Variants in MYO10 observed in about 807,000 individuals in gnomAD.
MYO10 encodes unconventional myosin-X.
In MYO10, 133 loss-of-function variants were observed where a neutral mutation model predicts 257.3. The ratio of observed to expected loss-of-function variants is 0.52; its 90% CI spans 0.45 to 0.60. The LOEUF (loss-of-function observed/expected upper bound fraction) is 0.60, where lower values mean the gene tolerates loss of function less well. Ranked by LOEUF, MYO10 falls within the 20% of genes least tolerant of loss-of-function variation. The pLI is 0.00. For synonymous variants in MYO10, 1,104 were observed against 1,028.6 expected, an observed-to-expected ratio of 1.07 and a Z score of -1.40; for missense variants, 2,399 against 2,635.7, an observed-to-expected ratio of 0.91 and a Z score of 1.97.
intron 19 of MYO10, among the ~76,000 whole-genome samples, chr5:16,733,143 AAAAC>A (rs1190618865): frequency 6.6e-6 from 1 of 151,838 alleles, no homozygotes; most frequent in Non-Finnish European, 1.5e-5. Context: ...CAGAAAAAAC[AAAAC>A]AAACAAACAA....
chr5:16,724,427 TG>T (rs1221283998), intron 19 of MYO10, among the ~76,000 whole-genome samples: 1 of 152,180 alleles, frequency 6.6e-6, no homozygotes, highest in East Asian at 1.9e-4. Context: ...TTTGATTTAC[TG>T]TCATGAAAAC....
chr5:16,715,392 A>ATTTTTTTTTTTTTTTTT (rs372307063), intron 19 of MYO10, among the ~76,000 whole-genome samples: 1 of 84,340 alleles, frequency 1.2e-5, no homozygotes, highest in African/African-American at 4.7e-5. Context: ...TAAGATTGAA[A>ATTTTTTTTTTTTTTTTT]TTTTTTTTTT....
intron 39 of MYO10, 98 bp from the exon 40 acceptor site, chr5:16,668,566 C>T (rs1031450670): frequency 1.3e-5 from 13 of 975,224 alleles, no homozygotes; most frequent in Non-Finnish European, 1.9e-5. Context: ...GTCCTCTGTG[C>T]AGAAGATTAA....
intron 2 of MYO10, among the ~76,000 whole-genome samples, chr5:16,842,209 G>A (rs1743503347): frequency 6.6e-6 from 1 of 152,166 alleles, no homozygotes; most frequent in Admixed American, 6.6e-5. Context: ...CTCTGGTGAT[G>A]GAGGTAGAAG....
At chr5:16,893,031 T>C (rs925781863) in intron 1 of MYO10, among the ~76,000 whole-genome samples, 4 of 151,170 alleles carry the variant, frequency 2.6e-5, no homozygotes, top group Non-Finnish European at 5.9e-5. Flanking sequence ...CCATCTCTAC[T>C]AAAAATACAA....
At chr5:16,734,450 C>T (rs1026863182) in intron 19 of MYO10, among the ~76,000 whole-genome samples, 4 of 152,142 alleles carry the variant, frequency 2.6e-5, no homozygotes, top group Admixed American at 6.6e-5. Context: ...CGAGAAGAAA[C>T]GAACACACCT....
rs542590648 is a variant in MYO10, at chr5:16,740,898, A to C, written c.1929+13930T>G. On this transcript the variant is annotated intron_variant, in intron 19 of 40. Coordinates refer to ENST00000513610, the MANE Select transcript of MYO10 (RefSeq NM_012334.3). ...TAAAATTGATGGCAAAAAAAAAAAA[A>C]CCCAACATTCTCATACTTGGTTTTC... Among the ~76,000 whole-genome samples the C allele has an allele frequency of 1.1e-3, 166 of 151,726 alleles. No homozygotes were observed. The East Asian group carries it at 0.012, about 11-fold the overall frequency.
At chr5:16,837,702 A>G (rs181062686) in intron 2 of MYO10, among the ~76,000 whole-genome samples, 4 of 152,264 alleles carry the variant, frequency 2.6e-5, no homozygotes, top group Admixed American at 2.6e-4. Context: ...CAGGGAATGC[A>G]AGGTGTCTGA....
At chr5:16,671,792 A>ATTCAGAGTGTT (rs1736477026) in intron 37 of MYO10, among the ~76,000 whole-genome samples, 1 of 152,242 alleles carries the variant, frequency 6.6e-6, no homozygotes, top group African/African-American at 2.4e-5. Flanking sequence ...AGAGAGCCGC[A>ATTCAGAGTGTT]TTCGAATTAG....
chr5:16,784,644 C>T (rs760344609), intron 4 of MYO10, among the ~76,000 whole-genome samples: 2 of 152,210 alleles, frequency 1.3e-5, no homozygotes, highest in Non-Finnish European at 2.9e-5. Context: ...CACAGCCATA[C>T]AAACGCCATC....
chr5:16,715,262 A>C (rs1174342208), intron 19 of MYO10, among the ~76,000 whole-genome samples: 1 of 151,956 alleles, frequency 6.6e-6, no homozygotes, highest in Non-Finnish European at 1.5e-5. Flanking sequence ...AAAAAAAATA[A>C]AGATGATCAC....
intron 3 of MYO10, among the ~76,000 whole-genome samples, chr5:16,805,477 A>AG (rs1742248633): frequency 1.3e-5 from 2 of 150,302 alleles, no homozygotes; most frequent in Admixed American, 6.6e-5. Context: ...AAAAAAAAAA[A>AG]AAAGAAAAGA....
chr5:16,680,974 C>T (rs116506044), intron 32 of MYO10, among the ~76,000 whole-genome samples: 1 of 152,140 alleles, frequency 6.6e-6, no homozygotes, highest in African/African-American at 2.4e-5. Context: ...GCCTGGGCAA[C>T]AGTGTGAGAC....
chr5:16,831,732 G>A (rs1054753303), intron 2 of MYO10, among the ~76,000 whole-genome samples: 2 of 152,154 alleles, frequency 1.3e-5, no homozygotes, highest in African/African-American at 4.8e-5. Flanking sequence ...GAAAGGGTGG[G>A]AAGGGGGTGA....
intron 1 of MYO10, among the ~76,000 whole-genome samples, chr5:16,882,434 T>G (rs993654184): frequency 1.3e-5 from 2 of 151,524 alleles, no homozygotes; most frequent in Non-Finnish European, 2.9e-5. Flanking sequence ...AAAAAAAATT[T>G]TTTTAAGTCT....
intron 2 of MYO10, among the ~76,000 whole-genome samples, chr5:16,822,514 G>A (rs983203904): frequency 6.6e-6 from 1 of 152,010 alleles, no homozygotes; most frequent in African/African-American, 2.4e-5. Context: ...AGTACCTGGG[G>A]GTTATAATTA....
chr5:16,760,048 T>C lies in MYO10; in HGVS notation c.1739+1416A>G, dbSNP rs1378822840. 4.5e-5 allele frequency among the ~76,000 whole-genome samples: 4 copies of C among 89,854 alleles called. No individual in the cohort carries two copies. The East Asian group carries it at 1.2e-3, about 27-fold the overall frequency. The allele number at this position is 89,854 out of a possible 152,430, so 58.9% of individuals were successfully genotyped here. A position where few individuals can be genotyped will look rare whatever the true frequency, so the allele number is the denominator to read the frequency against. ...TTTTGCTACTTTCCTTCCTTAGATA[T>C]AAACATGTGTTTTTGTTACAGATTC... On this transcript the variant is annotated intron_variant, in intron 17 of 40. Coordinates refer to ENST00000513610, the MANE Select transcript of MYO10 (RefSeq NM_012334.3).
intron 19 of MYO10, among the ~76,000 whole-genome samples, chr5:16,717,077 TCCAC>T (rs1307476579): frequency 6.6e-6 from 1 of 152,156 alleles, no homozygotes; most frequent in East Asian, 1.9e-4. Flanking sequence ...CCTCAGGTGA[TCCAC>T]CCACCTCACC....
chr5:16,686,603 C>T, intron 28 of MYO10, among the ~76,000 whole-genome samples: 1 of 151,860 alleles, frequency 6.6e-6, no homozygotes, highest in East Asian at 1.9e-4. Context: ...GGCACAATCT[C>T]GGCTCACTGC....
Sources: allele counts gnomAD v4.1 joint callset (sites outside exome capture counted in the v4.1 genomes callset), GRCh38; gene constraint gnomAD v4.1.1; transcripts MANE v1.5; gene names NCBI Gene and HGNC (gene_info 2026-07-23, HGNC 2026-07-21).